CNGB3: variants seen among roughly 807,000 people sequenced by gnomAD.
CNGB3 encodes the protein cyclic nucleotide gated channel subunit beta 3.
A neutral mutation model predicts 92.8 loss-of-function variants in CNGB3; 86 were observed. The ratio of observed to expected loss-of-function variants is 0.93; its 90% CI spans 0.78 to 1.11. CNGB3 has a LOEUF of 1.11. CNGB3 is among the 50% of genes least tolerant of loss of function. The probability of loss-of-function intolerance (pLI) is 0.00; values close to 1 mark genes in which losing one functional copy is unlikely to be tolerated. For synonymous variants in CNGB3, 333 were observed against 332.7 expected, an observed-to-expected ratio of 1.00 and a Z score of -0.01; for missense variants, 1,026 against 956.8, an observed-to-expected ratio of 1.07 and a Z score of -0.95.
At chr8:86,692,188 A>T (rs1824332606) in intron 3 of CNGB3, among the ~76,000 whole-genome samples, 1 of 152,174 alleles carries the variant, frequency 6.6e-6, no homozygotes, top group Non-Finnish European at 1.5e-5. Context: ...TTATGAAAAG[A>T]ATGTATAGTC....
At chr8:86,629,369 A>G (rs558019183) in intron 11 of CNGB3, among the ~76,000 whole-genome samples, 1 of 152,294 alleles carries the variant, frequency 6.6e-6, no homozygotes, top group South Asian at 2.1e-4. Flanking sequence ...AGGACAAACC[A>G]AGTGAGAATT....
At chr8:86,628,875 T>C in intron 12 of CNGB3, 44 bp downstream of exon 12, 1 of 1,605,842 alleles carries the variant, frequency 6.2e-7, no homozygotes, top group Middle Eastern at 1.7e-4. Flanking sequence ...TTTCATCATA[T>C]GACAAGGTTT....
intron 13 of CNGB3, among the ~76,000 whole-genome samples, chr8:86,621,032 T>A (rs1053339743): frequency 5.3e-5 from 8 of 152,190 alleles, no homozygotes; most frequent in Admixed American, 5.2e-4. Flanking sequence ...ATGTGAAGAT[T>A]TAACCTTTTT....
At chr8:86,703,979 G>T (rs1017500939) in intron 3 of CNGB3, 3 of 152,098 alleles carry the variant, frequency 2.0e-5, no homozygotes, top group African/African-American at 7.2e-5. Flanking sequence ...GCAAATTACA[G>T]TTGGCCCATA....
At chr8:86,582,105 A>T (rs1003978970) in intron 15 of CNGB3, among the ~76,000 whole-genome samples, 13 of 85,244 alleles carry the variant, frequency 1.5e-4, no homozygotes, top group African/African-American at 3.0e-4. Context: ...TATTGGAGTT[A>T]TTAGGAAATA....
intron 3 of CNGB3, among the ~76,000 whole-genome samples, chr8:86,702,379 G>T (rs1266295211): frequency 1.3e-5 from 2 of 152,120 alleles, no homozygotes. Context: ...ATTATTATAG[G>T]TAATGAACAA....
intron 8 of CNGB3, among the ~76,000 whole-genome samples, chr8:86,645,125 G>A (rs1823272181): frequency 6.6e-6 from 1 of 151,256 alleles, no homozygotes; most frequent in Non-Finnish European, 1.5e-5. Flanking sequence ...TCAGTAAATT[G>A]CATTAAATGT....
chr8:86,660,470 A>G, intron 6 of CNGB3: 1 of 518,620 alleles, frequency 1.9e-6, no homozygotes, highest in Admixed American at 2.0e-5. Flanking sequence ...GGTCAATGAG[A>G]AAGATGAAAG....
intron 4 of CNGB3, among the ~76,000 whole-genome samples, chr8:86,670,575 T>G (rs1010771677): frequency 2.0e-5 from 3 of 152,104 alleles, no homozygotes; most frequent in Non-Finnish European, 4.4e-5. Flanking sequence ...CTTATTCTTT[T>G]TCTTTTTTTT....
At chr8:86,661,199 C>G (rs1327087590) in intron 6 of CNGB3, 1 of 275,408 alleles carries the variant, frequency 3.6e-6, no homozygotes, top group Non-Finnish European at 7.4e-6. Context: ...ACATGTTAAA[C>G]AAAATATATT....
At chr8:86,694,128 G>C in intron 3 of CNGB3, among the ~76,000 whole-genome samples, 1 of 127,600 alleles carries the variant, frequency 7.8e-6, no homozygotes. Flanking sequence ...GCGGGGGGCT[G>C]ACCCCCCCAC....
At chr8:86,577,132 A>G (rs1018765705) in intron 17 of CNGB3, among the ~76,000 whole-genome samples, 8 of 151,258 alleles carry the variant, frequency 5.3e-5, no homozygotes, top group Non-Finnish European at 7.4e-5. Flanking sequence ...ACCAAAAAAA[A>G]AGAGAGAGAG....
chr8:86,643,103 C>T (rs1191980424), intron 10 of CNGB3, among the ~76,000 whole-genome samples: 1 of 151,532 alleles, frequency 6.6e-6, no homozygotes, highest in Non-Finnish European at 1.5e-5. Flanking sequence ...AGGATACACA[C>T]ACACACACAC....
rs181283354 is a variant in CNGB3, at chr8:86,679,945, C to T, written c.339-8847G>A. Among the ~76,000 whole-genome samples the T allele has an allele frequency of 1.5e-3, 230 of 152,162 alleles. 1 individual carries two copies. The highest frequency in any genetic ancestry group is 2.6e-3 in the Non-Finnish European group (179 of 68,038). ...AAGGCAGCCATCTACTATCCATCTA[C>T]GAGGAAGAGAGGCGGCTTCACCAGA... is the stretch of plus-strand genomic sequence containing the variant. On this transcript the variant is annotated intron_variant, in intron 3 of 17. Coordinates refer to ENST00000320005, the MANE Select transcript of CNGB3 (RefSeq NM_019098.5).
At chr8:86,630,873 T>C (rs888860976) in intron 11 of CNGB3, among the ~76,000 whole-genome samples, 2 of 152,106 alleles carry the variant, frequency 1.3e-5, no homozygotes, top group African/African-American at 4.8e-5. Context: ...ACCCTGTCTC[T>C]TAATAAAAAA....
At chr8:86,724,058 C>A (rs534435037) in intron 3 of CNGB3, among the ~76,000 whole-genome samples, 3 of 152,118 alleles carry the variant, frequency 2.0e-5, no homozygotes, top group East Asian at 1.9e-4. Flanking sequence ...GGCTGAGGGT[C>A]AAAAAACTAC....
At chr8:86,646,361 GA>G (rs34890679) in intron 8 of CNGB3, among the ~76,000 whole-genome samples, 9,108 of 149,590 alleles carry the variant, frequency 0.061, 306 homozygotes, top group South Asian at 0.11. Flanking sequence ...TCAGAGCAGA[GA>G]AAAAAAAACC....
chr8:86,583,921 CAAAAAAAAAAA>C (rs71574285), intron 15 of CNGB3, among the ~76,000 whole-genome samples: 67 of 61,208 alleles, frequency 1.1e-3, no homozygotes, highest in African/African-American at 4.5e-3. Context: ...GACCTTGTCT[CAAAAAAAAAAA>C]AAAAAAAAAA....
At chr8:86,587,933 T>C (rs905340367) in intron 15 of CNGB3, among the ~76,000 whole-genome samples, 1 of 151,960 alleles carries the variant, frequency 6.6e-6, no homozygotes, top group African/African-American at 2.4e-5. Flanking sequence ...TTGGGCAGTA[T>C]GGCCATTTTC....
Sources: gnomAD v4.1 joint callset for allele counts (sites outside exome capture counted in the v4.1 genomes callset) on GRCh38, gnomAD v4.1.1 for gene constraint, MANE v1.5 for transcripts, NCBI Gene and HGNC (gene_info 2026-07-23, HGNC 2026-07-21) for gene names.